The following BCAS3 variants were observed in gnomAD, a reference collection of about 807,000 sequenced individuals.
The protein encoded by BCAS3 is BCAS4/BCAS3 fusion.
A neutral mutation model predicts 116.1 loss-of-function variants in BCAS3; 53 were observed. That is an observed-to-expected ratio of 0.46 (90% CI 0.37 to 0.57). BCAS3 has a LOEUF of 0.57. Ranked by LOEUF, BCAS3 falls within the 20% of genes least tolerant of loss-of-function variation. The pLI, the probability that BCAS3 is intolerant of heterozygous loss-of-function variation, is 0.00. For missense variants in BCAS3, 917 were observed against 1,165.4 expected (o/e 0.79, Z 3.10); for synonymous variants, 391 against 408.2 (o/e 0.96, Z 0.51).
chr17:60,924,530 T>A, intron 13 of BCAS3, 30 bp downstream of exon 13: 2 of 1,557,212 alleles, frequency 1.3e-6, no homozygotes, highest in Non-Finnish European at 1.7e-6. Flanking sequence ...TTTTTTTTTT[T>A]TTTTTTGTAG....
chr17:61,201,789 C>T (rs1348095805), intron 22 of BCAS3, among the ~76,000 whole-genome samples: 4 of 147,242 alleles, frequency 2.7e-5, no homozygotes, highest in Non-Finnish European at 4.4e-5. Flanking sequence ...GACAGGGTCT[C>T]GCTCTGTCGC....
At chr17:60,911,111 C>CTTTTTTT (rs143770646) in intron 12 of BCAS3, among the ~76,000 whole-genome samples, 1 of 105,792 alleles carries the variant, frequency 9.5e-6, no homozygotes, top group African/African-American at 3.0e-5. Context: ...AAATTTTTTT[C>CTTTTTTT]TTTTTTTCTT....
intron 23 of BCAS3, among the ~76,000 whole-genome samples, chr17:61,370,069 G>A (rs2058967295): frequency 6.6e-6 from 1 of 152,222 alleles, no homozygotes; most frequent in African/African-American, 2.4e-5. Context: ...GGTGCATTGA[G>A]TCACAGCTGT....
At chr17:60,753,441 GCTCTGTCAC>G (rs1268984329) in intron 6 of BCAS3, among the ~76,000 whole-genome samples, 2 of 147,484 alleles carry the variant, frequency 1.4e-5, no homozygotes, top group African/African-American at 5.0e-5. Flanking sequence ...ACGGAGTCTT[GCTCTGTCAC>G]CCAGGCTGGA....
chr17:60,924,144 A>G (rs969461115), intron 12 of BCAS3, among the ~76,000 whole-genome samples: 64 of 152,154 alleles, frequency 4.2e-4, no homozygotes, highest in African/African-American at 1.4e-3. Context: ...CTGAACCTAT[A>G]CTTGAAGAAG....
At position 60,924,918 on chromosome 17, in the gene BCAS3, CTCTTTT is replaced by C. The variant is rs1836763173; in HGVS notation, c.1087+429_1087+434del. On this transcript the variant is annotated intron_variant, in intron 13 of 23. Coordinates refer to ENST00000407086, the MANE Select transcript of BCAS3 (RefSeq NM_017679.5). ...TTTCTCGGTTTTTTTTTTAGTGGTGCTCTTTTTCTTTTTCTTCTTAAGGTTTACTCC... is the reference window on the plus strand; with the variant it reads ...TTTCTCGGTTTTTTTTTTAGTGGTGCTCTTTTTCTTCTTAAGGTTTACTCC... Among the ~76,000 whole-genome samples the C allele has an allele frequency of 2.0e-5, 3 of 150,214 alleles. No individual in the cohort carries two copies. The South Asian group carries it at 6.3e-4, about 32-fold the overall frequency.
At chr17:60,914,257 G>A (rs2058662752) in intron 12 of BCAS3, among the ~76,000 whole-genome samples, 1 of 152,170 alleles carries the variant, frequency 6.6e-6, no homozygotes, top group Admixed American at 6.5e-5. Context: ...GACATTAATG[G>A]TTTAATGTTT....
chr17:61,202,953 A>G (rs1484736380), intron 22 of BCAS3, among the ~76,000 whole-genome samples: 2 of 152,204 alleles, frequency 1.3e-5, no homozygotes, highest in Non-Finnish European at 2.9e-5. Context: ...GACAGGTTGT[A>G]GTATCAGCGC....
chr17:60,947,968 T>G (rs960693830), intron 14 of BCAS3, among the ~76,000 whole-genome samples: 7 of 152,152 alleles, frequency 4.6e-5, no homozygotes, highest in Non-Finnish European at 1.0e-4. Context: ...TTTTAAACAT[T>G]TACCAGCAGA....
At chr17:60,860,410 A>G (rs1315915405) in intron 7 of BCAS3, among the ~76,000 whole-genome samples, 2 of 152,130 alleles carry the variant, frequency 1.3e-5, no homozygotes, top group African/African-American at 2.4e-5. Flanking sequence ...ATAGTTCACA[A>G]ATATTTTTCT....
chr17:61,124,635 A>G lies in BCAS3; in HGVS notation c.2425+40071A>G, dbSNP rs761479840. The stretch of plus-strand genomic sequence containing the variant: ...TCCCTAGTGAGTTATGTAGTTAATC[A>G]TATTAAACTGTTTTTCAGTTTTGAA... On this transcript the variant is annotated intron_variant, in intron 22 of 23. Transcript: ENST00000407086. This position sits in a 1 kb window ranked among gnomAD's most constrained non-coding sequence, Gnocchi z 4.6. Among the ~76,000 whole-genome samples the G allele has an allele frequency of 9.2e-5, 14 of 152,200 alleles. No individual in the cohort carries two copies. Among genetic ancestry groups the G allele is most frequent in the Admixed American group, 2.6e-4 (4 of 15,276 alleles).
intron 19 of BCAS3, among the ~76,000 whole-genome samples, chr17:61,071,177 A>G (rs1275274337): frequency 6.6e-6 from 1 of 152,198 alleles, no homozygotes; most frequent in African/African-American, 2.4e-5. Context: ...TCCTATGAAA[A>G]TGATAGTACC....
At chr17:60,728,221 T>G (rs947534369) in intron 5 of BCAS3, among the ~76,000 whole-genome samples, 2 of 152,200 alleles carry the variant, frequency 1.3e-5, no homozygotes, top group African/African-American at 4.8e-5. Flanking sequence ...CTCTGTTCTC[T>G]ATCTATTCAT....
At chr17:60,851,489 G>T in intron 7 of BCAS3, 1 of 554,626 alleles carries the variant, frequency 1.8e-6, no homozygotes, top group South Asian at 1.5e-5. Context: ...TGGAAGCGAA[G>T]CCGAAAAAGG....
rs1439594140 is a variant in BCAS3 at position 61,217,340 on chromosome 17, T to C, written c.2425+132776T>C. On this transcript the variant is annotated intron_variant, in intron 22 of 23. Coordinates refer to ENST00000407086, the MANE Select transcript of BCAS3 (RefSeq NM_017679.5). The surrounding 1 kb of genome is among the most constrained non-coding windows in gnomAD (Gnocchi z 5.2). The stretch of plus-strand genomic sequence containing the variant: ...AGCACTAGTTTTAAAGTATCCTCCA[T>C]TTTTTGTGATAGTGAAAATCTAGGT... Among the ~76,000 whole-genome samples, 1 of 152,188 alleles carries C rather than the reference T, an allele frequency of 6.6e-6. No individual in the cohort carries two copies. Among genetic ancestry groups the C allele is most frequent in the African/African-American group, 2.4e-5 (1 of 41,458 alleles).
At chr17:60,691,418 T>G (rs1027748839) in intron 4 of BCAS3, among the ~76,000 whole-genome samples, 12 of 152,054 alleles carry the variant, frequency 7.9e-5, no homozygotes, top group Non-Finnish European at 1.8e-4. Flanking sequence ...TCTCTCTCTC[T>G]CTCTCTCTTT....
chr17:60,726,024 T>G (rs1373358066), intron 5 of BCAS3, among the ~76,000 whole-genome samples: 1 of 151,344 alleles, frequency 6.6e-6, no homozygotes, highest in Non-Finnish European at 1.5e-5. Context: ...GCCTCCCGAG[T>G]AGCTGGGATT....
At chr17:60,781,037 C>T (rs1263732556) in intron 6 of BCAS3, among the ~76,000 whole-genome samples, 2 of 151,896 alleles carry the variant, frequency 1.3e-5, no homozygotes, top group Non-Finnish European at 2.9e-5. Flanking sequence ...GGCACCATCT[C>T]GGCTCACTGC....
At chr17:60,950,154 ATAT>A (rs1334927451) in intron 14 of BCAS3, among the ~76,000 whole-genome samples, 2 of 152,034 alleles carry the variant, frequency 1.3e-5, no homozygotes, top group African/African-American at 4.8e-5. Flanking sequence ...TATATAGATA[ATAT>A]TAGGTATTCA....
Sources: allele counts gnomAD v4.1 joint callset (sites outside exome capture counted in the v4.1 genomes callset), GRCh38; gene constraint gnomAD v4.1.1; non-coding constraint Gnocchi (gnomAD v3.1); transcripts MANE v1.5; gene names NCBI Gene and HGNC (gene_info 2026-07-23, HGNC 2026-07-21).